The following GASK1A variants were observed in gnomAD, a reference collection of about 807,000 sequenced individuals.
The protein encoded by GASK1A is golgi associated kinase 1A.
GASK1A carries 40 observed loss-of-function variants against 41.2 expected under a neutral mutation model. The ratio of observed to expected loss-of-function variants is 0.97; its 90% confidence interval spans 0.75 to 1.27. GASK1A has a LOEUF of 1.27. GASK1A is among the 50% of genes most tolerant of loss of function. The probability of loss-of-function intolerance (pLI) is 0.00; values close to 1 mark genes in which losing one functional copy is unlikely to be tolerated. For synonymous variants in GASK1A, 316 were observed against 307.1 expected (o/e 1.03, Z -0.30); for missense variants, 678 against 745.1 (o/e 0.91, Z 1.05).
intron 1 of GASK1A, among the ~76,000 whole-genome samples, chr3:43,024,011 G>A (rs963710722): frequency 1.3e-5 from 2 of 151,958 alleles, no homozygotes; most frequent in African/African-American, 4.8e-5. Flanking sequence ...GGAGTCAATC[G>A]GGGGCCACGG....
intron 1 of GASK1A, among the ~76,000 whole-genome samples, chr3:43,016,215 A>T (rs1443239132): frequency 1.3e-5 from 2 of 151,924 alleles, no homozygotes; most frequent in Admixed American, 6.6e-5. Context: ...GTGAAGTCTC[A>T]GGTAGAGGCT....
chr3:42,997,124 G>A (rs902610155), intron 1 of GASK1A, among the ~76,000 whole-genome samples: 1 of 152,248 alleles, frequency 6.6e-6, no homozygotes, highest in Non-Finnish European at 1.5e-5. Context: ...ACCAGCCAGT[G>A]TTCCTCATTT....
At chr3:43,037,803 T>C (rs537307556) in intron 2 of GASK1A, among the ~76,000 whole-genome samples, 1 of 152,332 alleles carries the variant, frequency 6.6e-6, no homozygotes, top group Admixed American at 6.5e-5. Flanking sequence ...TAAGTATATA[T>C]AGCTTAAAAT....
rs1231905998 is a variant in GASK1A at position 43,032,591 on chromosome 3, G to A, written c.328G>A (p.Gly110Arg). The change falls in exon 2 of 5, where the codon GGG (glycine) becomes AGG (arginine). Residue 110 changes from glycine (G) to arginine (R), a missense_variant. By Grantham distance (125) the Gly-to-Arg change is moderately radical. Coordinates refer to ENST00000430121, the MANE Select transcript of GASK1A (RefSeq NM_001129908.3). ...RVDRSRESPG[G>R]DLRHPGRVRR... ...GGACAGAAGCAGGGAGTCCCCAGGA[G>A]GGGACCTCAGGCATCCAGGGAGGGT... 1 of 1,551,584 alleles carries A rather than the reference G, an allele frequency of 6.4e-7. No homozygotes were observed.
At chr3:43,053,325 G>C (rs1415833615) in intron 2 of GASK1A, among the ~76,000 whole-genome samples, 196 bp from the exon 3 acceptor site, 1 of 152,230 alleles carries the variant, frequency 6.6e-6, no homozygotes, top group Admixed American at 6.5e-5. Flanking sequence ...AACAGCTCCT[G>C]GTGCGCAGAG....
chr3:42,979,354 C>T lies in GASK1A; in HGVS notation c.-289C>T, dbSNP rs1575431210. 51 of 375,988 alleles carry T rather than the reference C, an allele frequency of 1.4e-4. No homozygotes were observed. In the East Asian group the frequency reaches 1.9e-3, roughly 14 times the overall value. 23.3% of individuals were successfully genotyped at this position (375,988 alleles called of 1,614,324 possible). A position where few individuals can be genotyped will look rare whatever the true frequency, so the allele number is the denominator to read the frequency against. On this transcript the variant is annotated 5_prime_UTR_variant, in exon 1 of 5. Coordinates refer to ENST00000430121, the MANE Select transcript of GASK1A (RefSeq NM_001129908.3). ...AAGTCCCGAGTAGACCGCAGAGGCT[C>T]GCGGCCGCGGGTAGGCTCCCTCAGA... is the stretch of plus-strand genomic sequence containing the variant.
intron 1 of GASK1A, among the ~76,000 whole-genome samples, chr3:42,992,999 T>C (rs1464652414): frequency 6.6e-6 from 1 of 152,254 alleles, no homozygotes; most frequent in African/African-American, 2.4e-5. Flanking sequence ...GTGGTTGAAG[T>C]ATGGCCGCTG....
At chr3:43,030,884 T>A (rs1002988927) in intron 1 of GASK1A, among the ~76,000 whole-genome samples, 1 of 152,148 alleles carries the variant, frequency 6.6e-6, no homozygotes, top group Non-Finnish European at 1.5e-5. Context: ...GAGGATGGAC[T>A]TCACCTACAT....
At chr3:42,992,026 CT>C (rs1225017946) in intron 1 of GASK1A, among the ~76,000 whole-genome samples, 2 of 140,502 alleles carry the variant, frequency 1.4e-5, no homozygotes. Context: ...CCTGTTACAA[CT>C]ACAAAGATGC....
intron 1 of GASK1A, among the ~76,000 whole-genome samples, chr3:42,989,953 G>A (rs1182074766): frequency 6.6e-6 from 1 of 151,960 alleles, no homozygotes; most frequent in East Asian, 1.9e-4. Context: ...GGGTCTCTTT[G>A]GAGGAGTCTC....
At chr3:43,021,650 C>G (rs962589172) in intron 1 of GASK1A, among the ~76,000 whole-genome samples, 12 of 152,102 alleles carry the variant, frequency 7.9e-5, no homozygotes, top group Admixed American at 7.2e-4. Flanking sequence ...ATTTATTGTG[C>G]CAACTCCTGG....
At chr3:43,047,719 G>A (rs996983698) in intron 2 of GASK1A, among the ~76,000 whole-genome samples, 1 of 152,118 alleles carries the variant, frequency 6.6e-6, no homozygotes, top group East Asian at 1.9e-4. Flanking sequence ...GCAACTACCT[G>A]CAGGCATCCT....
intron 1 of GASK1A, among the ~76,000 whole-genome samples, chr3:42,994,891 A>G (rs2089361746): frequency 6.6e-6 from 1 of 152,204 alleles, no homozygotes; most frequent in Non-Finnish European, 1.5e-5. Context: ...AGAGTTGTCC[A>G]ACAGAACTTT....
chr3:43,023,570 A>G (rs986364564), intron 1 of GASK1A, among the ~76,000 whole-genome samples: 1 of 152,186 alleles, frequency 6.6e-6, no homozygotes, highest in African/African-American at 2.4e-5. Context: ...GAGATGTTCG[A>G]TTTTGCCCTG....
At position 43,055,475 on chromosome 3, in the gene GASK1A, C is replaced by A. The variant is rs976981444; in HGVS notation, c.1457C>A (p.Ala486Asp). 10 of 1,551,822 alleles carry A rather than the reference C, an allele frequency of 6.4e-6. No individual in the cohort carries two copies. The African/African-American group carries it at 1.4e-4, about 21-fold the overall frequency. ...DPSHLVYIDN[A>D]GNLQHPEDKL... ...TCTCACCTGGTCTACATCGATAACG[C>A]TGGCAACCTTCAGCACCCTGAGGAC... The change falls in exon 4 of 5, where the codon GCT becomes GAT. Residue 486 changes from alanine (A) to aspartate (D), a missense_variant. Physicochemically the swap from Ala to Asp is moderately radical, Grantham distance 126. Transcript: ENST00000430121.
In GASK1A at chr3:43,050,028, A is replaced by G. The variant is rs1378665955; in HGVS notation, c.1291-3493A>G. Among the ~76,000 whole-genome samples, 7 of 142,704 alleles carry G rather than the reference A, an allele frequency of 4.9e-5. No individual in the cohort carries two copies. The East Asian group carries it at 1.0e-3, about 21-fold the overall frequency. The allele number at this position is 142,704 out of a possible 152,430, so 93.6% of individuals were successfully genotyped here. A position where few individuals can be genotyped will look rare whatever the true frequency, so the allele number is the denominator to read the frequency against. On this transcript the variant is annotated intron_variant, in intron 2 of 4. Transcript: ENST00000430121. ...TGCTTTCAGCAGTTTTTTTTTTTAA[A>G]TCAGAGGGGAAAAAAAGAAGTCCAG...
chr3:43,009,121 T>C (rs1041930484), intron 1 of GASK1A, among the ~76,000 whole-genome samples: 1 of 152,242 alleles, frequency 6.6e-6, no homozygotes, highest in Non-Finnish European at 1.5e-5. Flanking sequence ...ATACTCATTT[T>C]TCAGATGCAG....
At position 42,979,569 on chromosome 3, in the gene GASK1A, G is replaced by T; in HGVS notation, c.-74G>T. Reference sequence around the variant, plus strand: ...CCTGGCGAGCCACGGCGCCGGGGGCGGCCAAGGGGAGGCGGGATGAGTCTG... The same window carrying T: ...CCTGGCGAGCCACGGCGCCGGGGGCTGCCAAGGGGAGGCGGGATGAGTCTG... On this transcript the variant is annotated 5_prime_UTR_variant, in exon 1 of 5. Coordinates refer to ENST00000430121, the MANE Select transcript of GASK1A (RefSeq NM_001129908.3). The T allele has an allele frequency of 8.1e-7, 1 of 1,236,070 alleles. No homozygotes were observed. 76.6% of individuals were successfully genotyped at this position (1,236,070 alleles called of 1,614,324 possible). A position where few individuals can be genotyped will look rare whatever the true frequency, so the allele number is the denominator to read the frequency against.
At chr3:43,024,645 A>G (rs932470886) in intron 1 of GASK1A, among the ~76,000 whole-genome samples, 1 of 152,160 alleles carries the variant, frequency 6.6e-6, no homozygotes, top group Non-Finnish European at 1.5e-5. Flanking sequence ...CCTCTTCACC[A>G]GCAGACGTGC....
Sources: gnomAD v4.1 joint callset for allele counts (sites outside exome capture counted in the v4.1 genomes callset) on GRCh38, gnomAD v4.1.1 for gene constraint, MANE v1.5 for transcripts, NCBI Gene and HGNC (gene_info 2026-07-23, HGNC 2026-07-21) for gene names.